The following MYPOP variants were observed in gnomAD, a reference collection of about 807,000 sequenced individuals.
MYPOP encodes myb-related transcription factor, partner of profilin.
A neutral mutation model predicts 25.7 loss-of-function variants in MYPOP; 21 were observed. The ratio of observed to expected loss-of-function variants is 0.82; its 90% CI spans 0.58 to 1.18. The LOEUF is 1.18. Among genes scored for constraint, MYPOP ranks in the 50% most tolerant of loss-of-function variants. MYPOP has a pLI of 0.00. For missense variants in MYPOP, 566 were observed against 588.3 expected (o/e 0.96, Z 0.39); for synonymous variants, 280 against 247.9 (o/e 1.13, Z -1.22).
intron 2 of MYPOP, among the ~76,000 whole-genome samples, chr19:45,900,894 C>T (rs1967278760): frequency 6.6e-6 from 1 of 152,188 alleles, no homozygotes; most frequent in African/African-American, 2.4e-5. Flanking sequence ...CTATTTTTAT[C>T]TCCATTTTAC....
At chr19:45,900,236 T>C (rs772521778) in intron 2 of MYPOP, among the ~76,000 whole-genome samples, 2 of 152,232 alleles carry the variant, frequency 1.3e-5, no homozygotes, top group Non-Finnish European at 2.9e-5. Flanking sequence ...CTGACCTCTC[T>C]GAACTCATCT....
intron 2 of MYPOP, among the ~76,000 whole-genome samples, chr19:45,900,596 C>T (rs973286350): frequency 6.6e-6 from 1 of 151,952 alleles, no homozygotes; most frequent in Admixed American, 6.6e-5. Flanking sequence ...CCAACCTCAT[C>T]GAGCATGGGG....
At chr19:45,896,066 G>C (rs1028114214) in intron 2 of MYPOP, among the ~76,000 whole-genome samples, 2 of 152,088 alleles carry the variant, frequency 1.3e-5, no homozygotes, top group African/African-American at 2.4e-5. Context: ...CCAGGCAGGC[G>C]GATCACCTGA....
intron 2 of MYPOP, among the ~76,000 whole-genome samples, chr19:45,893,351 C>T (rs1015973077): frequency 2.0e-5 from 3 of 151,786 alleles, no homozygotes; most frequent in Admixed American, 2.0e-4. Context: ...GGCAAATCAC[C>T]TGATGTTGGG....
rs1600562608 is a variant in MYPOP, at chr19:45,890,569, C to T, written c.*54G>A. 3.1e-6 allele frequency: 5 copies of T among 1,593,970 alleles called. No homozygotes were observed. The highest frequency in any genetic ancestry group is 2.3e-5 in the East Asian group (1 of 44,302). On this transcript the variant is annotated 3_prime_UTR_variant, in exon 3 of 3. Transcript: ENST00000322217. ...GATGGGCAGAGAGCATCGCCCCCCT[C>T]GACTGCGCCAAGCTGGGGAGAGGGG... is the stretch of plus-strand genomic sequence containing the variant.
At chr19:45,900,497 C>T (rs1324373659) in intron 2 of MYPOP, among the ~76,000 whole-genome samples, 1 of 137,826 alleles carries the variant, frequency 7.3e-6, no homozygotes, top group East Asian at 2.6e-4. Context: ...TCCCACAGTC[C>T]CTGGGATCCC....
Position 45,891,273 on chromosome 19 carries a change from G to T in MYPOP, c.550C>A (p.Arg184=), listed in dbSNP as rs752079720. 1 of 1,551,884 alleles carries T rather than the reference G, an allele frequency of 6.4e-7. No homozygotes were observed. The highest frequency in any genetic ancestry group is 1.3e-5 in the African/African-American group (1 of 74,314). The change falls in exon 3 of 3, where the codon CGG becomes AGG. Residue 184 remains arginine (R), a synonymous_variant. Coordinates refer to ENST00000322217, the MANE Select transcript of MYPOP (RefSeq NM_001012643.4). Reference sequence around the variant, plus strand: ...CCTTCCTGGGGAGTGCAGGAGGGCCGGGCCCATGGCTCCGGGCTGCTGGAG... The same window carrying T: ...CCTTCCTGGGGAGTGCAGGAGGGCCTGGCCCATGGCTCCGGGCTGCTGGAG... The part of the protein sequence containing the change: ...AGSSSPEPWA[R]PSCTPQEGGC...
intron 2 of MYPOP, among the ~76,000 whole-genome samples, chr19:45,896,719 G>A (rs970373597): frequency 6.7e-6 from 1 of 150,226 alleles, no homozygotes; most frequent in African/African-American, 2.5e-5. Context: ...TCCGCTTCCC[G>A]GGTTCACGCC....
intron 2 of MYPOP, among the ~76,000 whole-genome samples, chr19:45,894,472 G>A (rs1341218939): frequency 6.6e-6 from 1 of 152,084 alleles, no homozygotes; most frequent in African/African-American, 2.4e-5. Context: ...GGAGTGCAAA[G>A]GTGAGATCTC....
intron 2 of MYPOP, among the ~76,000 whole-genome samples, chr19:45,897,928 T>C (rs969253374): frequency 2.2e-4 from 32 of 144,848 alleles, no homozygotes; most frequent in Non-Finnish European, 3.5e-4. Flanking sequence ...TTTCTTTTCT[T>C]TTTTTTTTTT....
At chr19:45,898,740 C>T (rs11670765) in intron 2 of MYPOP, among the ~76,000 whole-genome samples, 39,780 of 151,950 alleles carry the variant, frequency 0.26, 5,877 homozygotes, top group East Asian at 0.6. Context: ...TCTGTCAGGC[C>T]TACTCTATTC....
chr19:45,901,741 T>C lies in MYPOP; in HGVS notation c.33A>G (p.Glu11=). ...AGCGCGGCTTGCGCAACCGGGTGGT[T>C]TCCTCCGCTTCGCCCGCCGCCGCCG... is the stretch of plus-strand genomic sequence containing the variant. The part of the protein sequence containing the change: MASAAAGEAE[E]TTRLRKPRFS... The change falls in exon 2 of 3, where the codon GAA becomes GAG. Residue 11 remains glutamate (E), a synonymous_variant. Transcript: ENST00000322217. This position sits in a 1 kb window ranked among gnomAD's most constrained non-coding sequence, Gnocchi z 5.7. 6.6e-7 allele frequency: 1 copy of C among 1,511,524 alleles called. No individual in the cohort carries two copies. Among genetic ancestry groups the C allele is most frequent in the Non-Finnish European group, 8.8e-7 (1 of 1,132,594 alleles). 93.6% of individuals were successfully genotyped at this position (1,511,524 alleles called of 1,614,324 possible).
chr19:45,896,680 C>T (rs1008022515), intron 2 of MYPOP, among the ~76,000 whole-genome samples: 2 of 149,590 alleles, frequency 1.3e-5, no homozygotes, highest in Non-Finnish European at 3.0e-5. Context: ...CTGCGGACTG[C>T]AGTGGCGCAA....
chr19:45,897,737 G>A (rs1967226613), intron 2 of MYPOP, among the ~76,000 whole-genome samples: 1 of 151,362 alleles, frequency 6.6e-6, no homozygotes, highest in Admixed American at 6.6e-5. Flanking sequence ...GGATTATTTT[G>A]TAGAGATGGG....
Position 45,891,273 on chromosome 19 carries a change from G to A in MYPOP, c.550C>T (p.Arg184Trp), listed in dbSNP as rs752079720. The change falls in exon 3 of 3, where the codon CGG (arginine) becomes TGG (tryptophan). Residue 184 changes from arginine to tryptophan, a missense_variant. Arg to Trp is a moderately radical substitution (Grantham distance 101). Transcript: ENST00000322217. ...CCTTCCTGGGGAGTGCAGGAGGGCC[G>A]GGCCCATGGCTCCGGGCTGCTGGAG... ...AGSSSPEPWA[R>W]PSCTPQEGGC... 9.7e-6 allele frequency: 15 copies of A among 1,551,882 alleles called. No homozygotes were observed. Among genetic ancestry groups the A allele is most frequent in the African/African-American group, 4.0e-5 (3 of 74,314 alleles).
rs752817646 is a variant in MYPOP at position 45,901,757 on chromosome 19, G to A, written c.17C>T (p.Ala6Val). Residue 6 changes from alanine (A) to valine (V), a missense_variant, in exon 2 of 3, where the codon GCG (alanine) becomes GTG (valine). Coordinates refer to ENST00000322217, the MANE Select transcript of MYPOP (RefSeq NM_001012643.4). The surrounding 1 kb of genome is among the most constrained non-coding windows in gnomAD (Gnocchi z 5.7). The part of the protein sequence containing the change: MASAA[A>V]GEAEETTRLR... ...CCGGGTGGTTTCCTCCGCTTCGCCC[G>A]CCGCCGCCGAGGCCATGGCGCCCCC... 2.7e-6 allele frequency: 4 copies of A among 1,475,676 alleles called. No homozygotes were observed. The highest frequency in any genetic ancestry group is 1.3e-5 in the South Asian group (1 of 75,954). The allele number at this position is 1,475,676 out of a possible 1,614,324, so 91.4% of individuals were successfully genotyped here.
rs867315999 is a variant in MYPOP, at chr19:45,890,448, G to C, written c.*175C>G. On this transcript the variant is annotated 3_prime_UTR_variant, in exon 3 of 3. Transcript: ENST00000322217. ...CTGTACCAGAGAAAGGGGTTGGGGG[G>C]GCCCATTACTGAGGCCCCCCCCAGA... The C allele has an allele frequency of 3.9e-6, 4 of 1,033,008 alleles. No homozygotes were observed. The East Asian group carries it at 1.2e-4, about 30-fold the overall frequency. 64.0% of individuals were successfully genotyped at this position (1,033,008 alleles called of 1,614,324 possible). A position where few individuals can be genotyped will look rare whatever the true frequency, so the allele number is the denominator to read the frequency against.
intron 2 of MYPOP, among the ~76,000 whole-genome samples, chr19:45,891,684 C>A (rs865867110): frequency 6.6e-6 from 1 of 152,138 alleles, no homozygotes; most frequent in Admixed American, 6.6e-5. Flanking sequence ...GCGATCCGCC[C>A]GCCTTGGCCT....
At chr19:45,892,519 CCT>C (rs1369829720) in intron 2 of MYPOP, among the ~76,000 whole-genome samples, 1 of 152,142 alleles carries the variant, frequency 6.6e-6, no homozygotes, top group African/African-American at 2.4e-5. Context: ...GCTCCAGACT[CCT>C]GTCTCCAGCT....
Sources: gnomAD v4.1 joint callset for allele counts (sites outside exome capture counted in the v4.1 genomes callset) on GRCh38, gnomAD v4.1.1 for gene constraint, Gnocchi (gnomAD v3.1) non-coding constraint, MANE v1.5 for transcripts, NCBI Gene and HGNC (gene_info 2026-07-23, HGNC 2026-07-21) for gene names.